DMRTC2: variants seen among roughly 807,000 people sequenced by gnomAD.
DMRTC2 encodes DMRT like family C2, also known as doublesex- and mab-3-related transcription factor C2.
In DMRTC2, 13 loss-of-function variants were observed where a neutral mutation model predicts 39.9. The observed-to-expected ratio is 0.33, with a 90% confidence interval of 0.21 to 0.52. DMRTC2 has a LOEUF of 0.52. DMRTC2 is among the 20% of genes least tolerant of loss of function. The pLI is 0.96. For synonymous variants in DMRTC2, 189 were observed against 185.2 expected (o/e 1.02, Z -0.17); for missense variants, 431 against 472.8 (o/e 0.91, Z 0.82).
Position 41,851,856 on chromosome 19 carries a change from G to A in DMRTC2, c.*160G>A. 1 of 651,430 alleles carries A rather than the reference G, an allele frequency of 1.5e-6. No homozygotes were observed. Among genetic ancestry groups the A allele is most frequent in the East Asian group, 2.8e-5 (1 of 36,238 alleles). 40.4% of individuals were successfully genotyped at this position (651,430 alleles called of 1,614,324 possible). ...TTTGTTTGTTTGTTTAAGCTTTCAG[G>A]TGCTTCATTAGCTTTCAGTTCCTTT... On this transcript the variant is annotated 3_prime_UTR_variant, in exon 9 of 9. Transcript: ENST00000269945.
rs1352293666 is a variant in DMRTC2, at chr19:41,848,899, A to C, written c.552A>C (p.Pro184=). 1 of 1,613,662 alleles carries C rather than the reference A, an allele frequency of 6.2e-7. No individual in the cohort carries two copies. Among genetic ancestry groups the C allele is most frequent in the Non-Finnish European group, 8.5e-7 (1 of 1,180,034 alleles). Residue 184 remains proline (P), a synonymous_variant, in exon 5 of 9, where the codon CCA becomes CCC. Transcript: ENST00000269945. The part of the protein sequence containing the change: ...GPWVPGHWLP[P]GFSMPPPVVC... ...GGGTCCCTGGACACTGGCTGCCTCC[A>C]GGCTTCTCCATGCCACCACCAGTGG...
chr19:41,844,957 G>A (rs1285478636), upstream of DMRTC2: 9 of 152,278 alleles, frequency 5.9e-5, no homozygotes, highest in Admixed American at 5.9e-4. Flanking sequence ...CGTCTGCCTC[G>A]GCTGAGAGAG....
At chr19:41,846,712 C>T (rs1386195264) in intron 1 of DMRTC2, among the ~76,000 whole-genome samples, 2 of 151,928 alleles carry the variant, frequency 1.3e-5, no homozygotes, top group East Asian at 2.0e-4. Context: ...GGACTACAGG[C>T]ACCCGCCACC....
intron 1 of DMRTC2, chr19:41,847,209 A>T: frequency 1.1e-6 from 1 of 951,932 alleles, no homozygotes; most frequent in Non-Finnish European, 1.2e-6. Context: ...AAAAAAAGAA[A>T]GAACACAGAA....
rs781793882 is a variant in DMRTC2, at chr19:41,850,386, A to G, written c.816+14A>G. On this transcript the variant is annotated intron_variant, in intron 7 of 8. Transcript: ENST00000269945. ...CTACAGCCACAGGTCCTGGGAAAGA[A>G]GTGGGATCTAGGGCCCTGGGAGGAG... 8 of 1,539,016 alleles carry G rather than the reference A, an allele frequency of 5.2e-6. No homozygotes were observed. The highest frequency in any genetic ancestry group is 6.1e-6 in the Non-Finnish European group (7 of 1,144,294).
intron 1 of DMRTC2, among the ~76,000 whole-genome samples, chr19:41,846,393 A>T (rs1462285175): frequency 1.3e-5 from 2 of 152,038 alleles, no homozygotes; most frequent in Non-Finnish European, 2.9e-5. Flanking sequence ...TTGGATTGAA[A>T]GAAAAGAATG....
chr19:41,847,326 G>C, intron 1 of DMRTC2, 99 bp from the exon 2 acceptor site: 1 of 1,453,570 alleles, frequency 6.9e-7, no homozygotes, highest in East Asian at 2.4e-5. Context: ...GGGGTCTAAA[G>C]AGGGGCAGGA....
chr19:41,850,563 C>T lies in DMRTC2; in HGVS notation c.854C>T (p.Pro285Leu). 1 of 1,613,538 alleles carries T rather than the reference C, an allele frequency of 6.2e-7. No homozygotes were observed. Among genetic ancestry groups the T allele is most frequent in the Non-Finnish European group, 8.5e-7 (1 of 1,179,822 alleles). The change falls in exon 8 of 9, where the codon CCC becomes CTC. Residue 285 changes from proline (P) to leucine (L), a missense_variant. Pro to Leu is a moderately conservative substitution (Grantham distance 98, BLOSUM62 -3). Transcript: ENST00000269945. ...TCGTGCCTGGCCCGGACATCTGGCC[C>T]CTCAGAGTGGCAGCTGCAGCAAGAG... ...GASCLARTSG[P>L]SEWQLQQEAA...
chr19:41,851,476 A>T (rs2073955798), intron 8 of DMRTC2, 108 bp from the exon 9 acceptor site: 1 of 901,632 alleles, frequency 1.1e-6, no homozygotes, highest in Non-Finnish European at 1.7e-6. Flanking sequence ...TCTGTGAAAT[A>T]ATCCAGGAGA....
Position 41,850,513 on chromosome 19 carries a change from C to G in DMRTC2, c.817-13C>G, listed in dbSNP as rs1555837137. On this transcript the variant is annotated splice_polypyrimidine_tract_variant and intron_variant, in intron 7 of 8. Coordinates refer to ENST00000269945, the MANE Select transcript of DMRTC2 (RefSeq NM_001040283.3). ...GGGGGTTCCCAGTCTGCTTGTCTCC[C>G]TTTCCCTTGCAGGCCTCTGGAGCCT... 2 of 1,605,048 alleles carry G rather than the reference C, an allele frequency of 1.2e-6. No individual in the cohort carries two copies. Among genetic ancestry groups the G allele is most frequent in the Middle Eastern group, 1.7e-4 (1 of 6,024 alleles).
chr19:41,846,575 AT>A (rs199909588), intron 1 of DMRTC2, among the ~76,000 whole-genome samples: 3,240 of 150,388 alleles, frequency 0.022, 64 homozygotes, highest in Middle Eastern at 0.041. Flanking sequence ...TTAAAAAAAA[AT>A]TTTTTTTTTG....
At chr19:41,847,952 G>A in intron 3 of DMRTC2, 71 bp downstream of exon 3, 7 of 1,507,570 alleles carry the variant, frequency 4.6e-6, no homozygotes, top group Non-Finnish European at 5.3e-6. Context: ...AAGAGGCCCA[G>A]TCCTGCTGCT....
rs1004270385 is a variant in DMRTC2, at chr19:41,850,172, A to G, written c.756-140A>G. 2.6e-5 allele frequency: 17 copies of G among 653,502 alleles called. No homozygotes were observed. The Admixed American group carries it at 4.7e-4, about 18-fold the overall frequency. The allele number at this position is 653,502 out of a possible 1,614,324, so 40.5% of individuals were successfully genotyped here. A position where few individuals can be genotyped will look rare whatever the true frequency, so the allele number is the denominator to read the frequency against. The stretch of plus-strand genomic sequence containing the variant: ...GGATTTTTACTTTACTGAAAACAAA[A>G]TAAGTCAAGACACAGCTTAATGGCC... On this transcript the variant is annotated intron_variant, in intron 6 of 8. Coordinates refer to ENST00000269945, the MANE Select transcript of DMRTC2 (RefSeq NM_001040283.3).
At chr19:41,847,035 A>T (rs1555836067) in intron 1 of DMRTC2, among the ~76,000 whole-genome samples, 1 of 151,746 alleles carries the variant, frequency 6.6e-6, no homozygotes, top group African/African-American at 2.4e-5. Flanking sequence ...AATAAAAAAA[A>T]ATAGCCGGGC....
chr19:41,849,111 A>G lies in DMRTC2; in HGVS notation c.629-19A>G, dbSNP rs2073915873. 6.2e-7 allele frequency: 1 copy of G among 1,614,108 alleles called. No homozygotes were observed. Among genetic ancestry groups the G allele is most frequent in the African/African-American group, 1.3e-5 (1 of 75,046 alleles). ...TGACCTTGGCCCCTATACACTCTGC[A>G]TTCTTTTATTCTTATTAGGCTTTGA... On this transcript the variant is annotated intron_variant, in intron 5 of 8. Transcript: ENST00000269945.
intron 4 of DMRTC2, 82 bp from the exon 5 acceptor site, chr19:41,848,713 G>C: frequency 6.3e-7 from 1 of 1,599,376 alleles, no homozygotes; most frequent in Non-Finnish European, 8.5e-7. Flanking sequence ...CAAAGTTTTG[G>C]GGTTCTGCCC....
In DMRTC2 at chr19:41,851,815, C is replaced by CTTTT. The variant is rs369306691; in HGVS notation, c.*122_*125dup. On this transcript the variant is annotated 3_prime_UTR_variant, in exon 9 of 9. Coordinates refer to ENST00000269945, the MANE Select transcript of DMRTC2 (RefSeq NM_001040283.3). The stretch of plus-strand genomic sequence containing the variant: ...AATTTAATGTAGTACAAGCTTCGGG[C>CTTTT]TTTTTTGTTTGTTTGTTTGTTTGTT... The CTTTT allele has an allele frequency of 3.3e-6, 3 of 898,366 alleles. No individual in the cohort carries two copies. Among genetic ancestry groups the CTTTT allele is most frequent in the Non-Finnish European group, 5.0e-6 (3 of 595,110 alleles). 55.6% of individuals were successfully genotyped at this position (898,366 alleles called of 1,614,324 possible).
Position 41,848,822 on chromosome 19 carries a change from C to T in DMRTC2, c.475C>T (p.His159Tyr). 1.9e-6 allele frequency: 3 copies of T among 1,609,874 alleles called. No individual in the cohort carries two copies. The highest frequency in any genetic ancestry group is 2.2e-5 in the South Asian group (2 of 91,086). The change falls in exon 5 of 9, where the codon CAT (histidine) becomes TAT (tyrosine). Residue 159 changes from histidine to tyrosine, a missense_variant. Physicochemically the swap from His to Tyr is moderately conservative, Grantham distance 83. Transcript: ENST00000269945. ...KNSCGPLLLSHPPEASPLSWT... is the reference protein window; with the variant it reads ...KNSCGPLLLSYPPEASPLSWT... ...CTCCTGTGGGCCTCTGCTGCTCAGC[C>T]ATCCCCCGGAAGCCTCGCCCTTGTC... is the stretch of plus-strand genomic sequence containing the variant.
chr19:41,847,371 G>T, intron 1 of DMRTC2, 54 bp from the exon 2 acceptor site: 2 of 1,503,740 alleles, frequency 1.3e-6, no homozygotes, highest in Non-Finnish European at 8.9e-7. Context: ...AGGGCAGGAG[G>T]GTTGTTAGGG....
Sources: allele counts gnomAD v4.1 joint callset (sites outside exome capture counted in the v4.1 genomes callset), GRCh38; gene constraint gnomAD v4.1.1; transcripts MANE v1.5; gene names NCBI Gene and HGNC (gene_info 2026-07-23, HGNC 2026-07-21).